The following GABBR2 variants were observed in gnomAD, a reference collection of about 807,000 sequenced individuals.
GABBR2 encodes gamma-aminobutyric acid type B receptor subunit 2, also known as G-protein coupled receptor 51.
Under a neutral mutation model 105.6 loss-of-function variants are expected in GABBR2, and 23 were observed. The ratio of observed to expected loss-of-function variants is 0.22; its 90% CI spans 0.16 to 0.31. The LOEUF is 0.31. GABBR2 is among the 10% of genes least tolerant of loss of function. GABBR2 has a pLI of 1.00. For missense variants in GABBR2, 734 were observed against 1,245.5 expected (o/e 0.59, Z 6.18); for synonymous variants, 478 against 499.7 (o/e 0.96, Z 0.58).
chr9:98,578,891 A>T (rs1282599468), intron 1 of GABBR2, among the ~76,000 whole-genome samples: 1 of 152,202 alleles, frequency 6.6e-6, no homozygotes, highest in East Asian at 1.9e-4. Context: ...CACTCATATG[A>T]GGTTATCTAC....
chr9:98,373,659 T>C (rs1304365606), intron 11 of GABBR2, among the ~76,000 whole-genome samples: 1 of 152,172 alleles, frequency 6.6e-6, no homozygotes, highest in African/African-American at 2.4e-5. Context: ...GTGACATGAC[T>C]GTTAAGACCA....
At position 98,401,937 on chromosome 9, in the gene GABBR2, G is replaced by A. The variant is rs111729799; in HGVS notation, c.1297+4144C>T. On this transcript the variant is annotated intron_variant, in intron 8 of 18. Coordinates refer to ENST00000259455, the MANE Select transcript of GABBR2 (RefSeq NM_005458.8). The stretch of plus-strand genomic sequence containing the variant: ...CAGGAAATGCGCACTGAATACAACC[G>A]TATCTGTTACCCTGAAGACCAAATG... Among the ~76,000 whole-genome samples, 734 of 152,298 alleles carry A rather than the reference G, an allele frequency of 4.8e-3. 7 individuals carry two copies. The highest frequency in any genetic ancestry group is 0.017 in the African/African-American group (706 of 41,556).
At chr9:98,456,038 C>T (rs529129605) in intron 6 of GABBR2, among the ~76,000 whole-genome samples, 1 of 152,280 alleles carries the variant, frequency 6.6e-6, no homozygotes, top group African/African-American at 2.4e-5. Flanking sequence ...TCCCAGGTTC[C>T]TCAAAGAGAC....
At chr9:98,599,797 G>A (rs1829298483) in intron 1 of GABBR2, among the ~76,000 whole-genome samples, 1 of 152,214 alleles carries the variant, frequency 6.6e-6, no homozygotes, top group Non-Finnish European at 1.5e-5. Flanking sequence ...GTTGAGAAGA[G>A]GGGGACAGCA....
intron 11 of GABBR2, among the ~76,000 whole-genome samples, chr9:98,382,471 G>A (rs1225774773): frequency 4.6e-5 from 7 of 152,026 alleles, no homozygotes; most frequent in Non-Finnish European, 7.4e-5. Flanking sequence ...CCGCCACCTC[G>A]CCCAGCTAAT....
chr9:98,568,425 G>C (rs941992999), intron 2 of GABBR2, among the ~76,000 whole-genome samples: 17 of 152,334 alleles, frequency 1.1e-4, no homozygotes, highest in Admixed American at 6.5e-4. Context: ...TCACTTGCCA[G>C]CTCTCACAGG....
chr9:98,577,902 C>A (rs754225218), intron 2 of GABBR2, 33 bp downstream of exon 2: 2 of 1,576,948 alleles, frequency 1.3e-6, no homozygotes, highest in South Asian at 1.2e-5. Context: ...ACCAAAGACA[C>A]CTCCCCACAA....
At chr9:98,544,154 T>TG (rs1258033430) in intron 2 of GABBR2, among the ~76,000 whole-genome samples, 9 of 152,274 alleles carry the variant, frequency 5.9e-5, no homozygotes, top group Admixed American at 5.2e-4. Context: ...GCAGCAGCTC[T>TG]GGATTTGATC....
intron 1 of GABBR2, among the ~76,000 whole-genome samples, chr9:98,693,753 T>G (rs144162704): frequency 6.6e-6 from 1 of 152,236 alleles, no homozygotes; most frequent in African/African-American, 2.4e-5. Flanking sequence ...GGTGCACATA[T>G]GAAAGCAGCC....
chr9:98,700,864 CACAAT>C (rs1293293947), intron 1 of GABBR2, among the ~76,000 whole-genome samples: 1 of 152,198 alleles, frequency 6.6e-6, no homozygotes, highest in Non-Finnish European at 1.5e-5. Flanking sequence ...ATGGGAGACT[CACAAT>C]ACAAAAGTGG....
intron 13 of GABBR2, among the ~76,000 whole-genome samples, chr9:98,312,375 C>T (rs1262762949): frequency 6.6e-6 from 1 of 152,152 alleles, no homozygotes; most frequent in Non-Finnish European, 1.5e-5. Flanking sequence ...TTTGGATTAG[C>T]CTGAATGTTT....
chr9:98,678,922 C>T (rs1299404039), intron 1 of GABBR2, among the ~76,000 whole-genome samples: 1 of 152,164 alleles, frequency 6.6e-6, no homozygotes, highest in East Asian at 1.9e-4. Flanking sequence ...GTCCACCTGC[C>T]TGCAGAAATA....
intron 8 of GABBR2, among the ~76,000 whole-genome samples, chr9:98,403,233 G>A (rs915891486): frequency 1.4e-5 from 2 of 143,540 alleles, no homozygotes; most frequent in Non-Finnish European, 3.0e-5. Flanking sequence ...GGCAGAGGTT[G>A]CAGTGAGCCG....
intron 8 of GABBR2, among the ~76,000 whole-genome samples, chr9:98,400,404 A>G (rs1053672770): frequency 3.9e-5 from 6 of 152,128 alleles, no homozygotes; most frequent in Non-Finnish European, 8.8e-5. Flanking sequence ...GTAGGTAGGG[A>G]CACAGGAATC....
At chr9:98,593,532 C>T (rs1381086710) in intron 1 of GABBR2, among the ~76,000 whole-genome samples, 2 of 152,116 alleles carry the variant, frequency 1.3e-5, no homozygotes, top group African/African-American at 2.4e-5. Flanking sequence ...TGAGTCTGGG[C>T]CACCAGGACC....
chr9:98,495,703 C>G (rs1305866775), intron 4 of GABBR2, among the ~76,000 whole-genome samples: 2 of 152,194 alleles, frequency 1.3e-5, no homozygotes, highest in Non-Finnish European at 2.9e-5. Flanking sequence ...CTCTCTTCCT[C>G]CTCCACCAAA....
chr9:98,414,556 C>A (rs1832652592), intron 7 of GABBR2, among the ~76,000 whole-genome samples: 1 of 152,174 alleles, frequency 6.6e-6, no homozygotes, highest in Non-Finnish European at 1.5e-5. Flanking sequence ...GTGACTTGAT[C>A]TAAGTCCTAT....
At chr9:98,400,197 A>G (rs59556389) in intron 8 of GABBR2, among the ~76,000 whole-genome samples, 1 of 137,390 alleles carries the variant, frequency 7.3e-6, no homozygotes, top group Non-Finnish European at 1.5e-5. Context: ...TTTTTTTTTT[A>G]AAAAAAAAAG....
At chr9:98,675,981 C>A (rs545366642) in intron 1 of GABBR2, among the ~76,000 whole-genome samples, 4 of 152,258 alleles carry the variant, frequency 2.6e-5, no homozygotes, top group African/African-American at 7.2e-5. Flanking sequence ...CAAAGCACAC[C>A]CCCCCAAATA....
Sources: allele counts gnomAD v4.1 joint callset (sites outside exome capture counted in the v4.1 genomes callset), GRCh38; gene constraint gnomAD v4.1.1; transcripts MANE v1.5; gene names NCBI Gene and HGNC (gene_info 2026-07-23, HGNC 2026-07-21).